Variants in ANO4 observed in about 807,000 individuals in gnomAD.
The protein encoded by ANO4 is anoctamin 4.
ANO4 carries 69 observed loss-of-function variants against 141.9 expected under a neutral mutation model. The ratio of observed to expected loss-of-function variants is 0.49; its 90% CI spans 0.40 to 0.59. ANO4 has a LOEUF of 0.59. ANO4 is among the 20% of genes least tolerant of loss of function. The pLI is 0.00. For synonymous variants in ANO4, 350 were observed against 394.3 expected (o/e 0.89, Z 1.33); for missense variants, 894 against 1,162.2 (o/e 0.77, Z 3.36).
intron 1 of ANO4, among the ~76,000 whole-genome samples, chr12:100,724,137 T>G (rs1391843585): frequency 6.6e-6 from 1 of 152,158 alleles, no homozygotes; most frequent in African/African-American, 2.4e-5. Flanking sequence ...TTTTCAACAG[T>G]GAATCAAGTA....
chr12:101,040,872 T>G (rs890291561), intron 11 of ANO4, among the ~76,000 whole-genome samples: 1 of 152,108 alleles, frequency 6.6e-6, no homozygotes, highest in Non-Finnish European at 1.5e-5. Context: ...TCTGATCTTA[T>G]GATAGTTTGC....
At chr12:101,126,469 A>G (rs775414839) in intron 26 of ANO4, among the ~76,000 whole-genome samples, 6 of 152,292 alleles carry the variant, frequency 3.9e-5, no homozygotes, top group Admixed American at 1.3e-4. Flanking sequence ...ATTTTTAAAC[A>G]TTTTCTCATA....
At chr12:100,777,161 C>G (rs1040779153) in intron 3 of ANO4, among the ~76,000 whole-genome samples, 1 of 148,230 alleles carries the variant, frequency 6.7e-6, no homozygotes. Context: ...GGCGTGATCT[C>G]GACTCACTGC....
At chr12:100,821,511 T>C (rs1372351801) in intron 1 of ANO4, among the ~76,000 whole-genome samples, 1 of 151,906 alleles carries the variant, frequency 6.6e-6, no homozygotes, top group Non-Finnish European at 1.5e-5. Context: ...GAGAATATGC[T>C]TTCAGGTAAT....
intron 3 of ANO4, among the ~76,000 whole-genome samples, chr12:100,928,218 G>C (rs1442506211): frequency 1.3e-5 from 2 of 152,070 alleles, no homozygotes; most frequent in African/African-American, 4.8e-5. Flanking sequence ...AGATAATCTT[G>C]TCTGGCAATT....
intron 22 of ANO4, among the ~76,000 whole-genome samples, chr12:101,106,094 G>GAA (rs1212564329): frequency 6.6e-6 from 1 of 151,952 alleles, no homozygotes; most frequent in African/African-American, 2.4e-5. Flanking sequence ...CGACAAGAGC[G>GAA]AAACTCTGTC....
rs137867917 is a variant in ANO4 at position 100,964,209 on chromosome 12, GA to G, written c.457-7094del. 6.2e-3 allele frequency among the ~76,000 whole-genome samples: 937 copies of G among 152,270 alleles called. 13 individuals are homozygous for G. The highest frequency in any genetic ancestry group is 0.022 in the African/African-American group (902 of 41,566). On this transcript the variant is annotated intron_variant, in intron 5 of 27. Transcript: ENST00000392977. ...GTGAGCCTCTCAGCTTTCTTCTTGT[GA>G]AACAGCAGTTCTGAAGCCAGACTGC...
At chr12:101,099,525 C>T in intron 21 of ANO4, 53 bp from the exon 22 acceptor site, 3 of 1,500,666 alleles carry the variant, frequency 2.0e-6, no homozygotes, top group Admixed American at 4.7e-5. Flanking sequence ...TTCTTATTAC[C>T]TAAGTCATAT....
intron 3 of ANO4, among the ~76,000 whole-genome samples, chr12:100,788,866 GA>G (rs893241913): frequency 3.9e-4 from 56 of 143,860 alleles, no homozygotes; most frequent in South Asian, 1.8e-3. Context: ...AATGTAATGA[GA>G]AAAAAAAAAA....
At chr12:100,971,172 G>T in intron 5 of ANO4, 134 bp from the exon 6 acceptor site, 1 of 493,168 alleles carries the variant, frequency 2.0e-6, no homozygotes, top group Non-Finnish European at 3.6e-6. Flanking sequence ...GCACTTGTAA[G>T]GGTCTGGCCT....
At chr12:101,083,554 T>G (rs545373537) in intron 15 of ANO4, 124 bp from the exon 16 acceptor site, 1 of 1,220,254 alleles carries the variant, frequency 8.2e-7, no homozygotes, top group African/African-American at 1.6e-5. Context: ...CAAACCCACT[T>G]CATTGGTTGA....
At chr12:100,735,043 T>G (rs1049587203) in intron 2 of ANO4, among the ~76,000 whole-genome samples, 6 of 152,218 alleles carry the variant, frequency 3.9e-5, no homozygotes, top group Non-Finnish European at 8.8e-5. Context: ...CAGTACAGTT[T>G]TACTGCTAGG....
chr12:101,039,937 G>A lies in ANO4; in HGVS notation c.898-18G>A. 1 of 1,605,822 alleles carries A rather than the reference G, an allele frequency of 6.2e-7. No individual in the cohort carries two copies. Among genetic ancestry groups the A allele is most frequent in the South Asian group, 1.1e-5 (1 of 89,870 alleles). On this transcript the variant is annotated intron_variant, in intron 10 of 27. Coordinates refer to ENST00000392977, the MANE Select transcript of ANO4 (RefSeq NM_001286615.2). ...TTTTGTGAGTACTACCTCACTGGCA[G>A]TGGTGTTTTTATCCCAGGGAAGTTA...
chr12:100,880,998 T>C (rs1299346669), intron 1 of ANO4, among the ~76,000 whole-genome samples: 1 of 151,984 alleles, frequency 6.6e-6, no homozygotes, highest in Admixed American at 6.6e-5. Context: ...CCAAGCTCAA[T>C]TCCCACCTAT....
intron 2 of ANO4, among the ~76,000 whole-genome samples, chr12:100,917,416 G>C (rs2041396949): frequency 1.3e-5 from 2 of 152,092 alleles, no homozygotes; most frequent in African/African-American, 2.4e-5. Context: ...GATATCTGTG[G>C]CTATGGCAAA....
At chr12:100,949,345 T>A (rs554002410) in intron 5 of ANO4, among the ~76,000 whole-genome samples, 48 of 152,230 alleles carry the variant, frequency 3.2e-4, no homozygotes, top group Non-Finnish European at 6.0e-4. Flanking sequence ...AAGTCTGGGA[T>A]CACACATTCT....
At chr12:100,997,063 T>A (rs2045412041) in intron 8 of ANO4, among the ~76,000 whole-genome samples, 2 of 151,926 alleles carry the variant, frequency 1.3e-5, no homozygotes, top group Admixed American at 1.3e-4. Flanking sequence ...CAGCTGGGTG[T>A]GGTGGCTCAC....
chr12:101,125,665 T>C (rs2051283868), intron 26 of ANO4, among the ~76,000 whole-genome samples: 1 of 152,236 alleles, frequency 6.6e-6, no homozygotes, highest in Non-Finnish European at 1.5e-5. Context: ...GTTCTGCTTA[T>C]GTGATGAATT....
At chr12:101,103,180 ATTTT>A (rs1334720600) in intron 22 of ANO4, among the ~76,000 whole-genome samples, 11 of 19,330 alleles carry the variant, frequency 5.7e-4, no homozygotes, top group African/African-American at 2.5e-3. Flanking sequence ...CTTTTTAGTC[ATTTT>A]ATATATATAT....
Sources: allele counts gnomAD v4.1 joint callset (sites outside exome capture counted in the v4.1 genomes callset), GRCh38; gene constraint gnomAD v4.1.1; transcripts MANE v1.5; gene names NCBI Gene and HGNC (gene_info 2026-07-23, HGNC 2026-07-21).